CHD1L: variants seen among roughly 807,000 people sequenced by gnomAD.
CHD1L encodes ATP-dependent chromatin remodeler CHD1L.
Under a neutral mutation model 115.9 loss-of-function variants are expected in CHD1L, and 118 were observed. The ratio of observed to expected loss-of-function variants is 1.02; its 90% CI spans 0.88 to 1.19. CHD1L has a LOEUF of 1.19. Ranked by LOEUF, CHD1L falls within the 50% of genes most tolerant of loss-of-function variation. The pLI is 0.00. For missense variants in CHD1L, 1,179 were observed against 1,065.3 expected (o/e 1.11, Z -1.49); for synonymous variants, 411 against 387.1 (o/e 1.06, Z -0.72).
chr1:147,259,978 A>G, intron 6 of CHD1L, 60 bp downstream of exon 6: 4 of 1,279,698 alleles, frequency 3.1e-6, no homozygotes, highest in Non-Finnish European at 4.4e-6. Flanking sequence ...TATACATTAT[A>G]TTTTAGAGTA....
At chr1:147,277,943 G>A (rs1346359435) in intron 14 of CHD1L, among the ~76,000 whole-genome samples, 7 of 152,090 alleles carry the variant, frequency 4.6e-5, no homozygotes, top group Non-Finnish European at 1.0e-4. Context: ...ATCTTGTGAT[G>A]TGGGCTGCTG....
In CHD1L at chr1:147,242,713, G is replaced by C. The variant is rs782305182; in HGVS notation, c.10G>C (p.Ala4Pro). 1 of 1,258,292 alleles carries C rather than the reference G, an allele frequency of 7.9e-7. No homozygotes were observed. The highest frequency in any genetic ancestry group is 1.5e-5 in the African/African-American group (1 of 65,332). 77.9% of individuals were successfully genotyped at this position (1,258,292 alleles called of 1,614,324 possible). A position where few individuals can be genotyped will look rare whatever the true frequency, so the allele number is the denominator to read the frequency against. Residue 4 changes from alanine (A) to proline (P), a missense_variant, in exon 1 of 23, where the codon GCG becomes CCG. Transcript: ENST00000369258. MER[A>P]GATSRGGQAP... ...GGCCTCTACCGGCCCGATGGAGCGCGCGGGCGCTACTAGCCGCGGGGGCCA... is the reference window on the plus strand; with the variant it reads ...GGCCTCTACCGGCCCGATGGAGCGCCCGGGCGCTACTAGCCGCGGGGGCCA...
chr1:147,186,502 C>A, the CHD1L span: 2 of 987,632 alleles, frequency 2.0e-6, no homozygotes, highest in Admixed American at 6.0e-5. Flanking sequence ...AAAATCAAAC[C>A]CTATCAGAAG....
chr1:147,271,694 C>G (rs1676291797), intron 11 of CHD1L, among the ~76,000 whole-genome samples: 1 of 152,190 alleles, frequency 6.6e-6, no homozygotes, highest in Admixed American at 6.5e-5. Context: ...GATGCATAAA[C>G]AGCCTGATCC....
At chr1:147,262,011 C>T (rs951914901) in intron 6 of CHD1L, among the ~76,000 whole-genome samples, 4 of 151,796 alleles carry the variant, frequency 2.6e-5, no homozygotes, top group Admixed American at 6.6e-5. Flanking sequence ...CTGGCTAATA[C>T]GGTGAAACCC....
chr1:147,208,692 G>A, the CHD1L span: 11 of 564,876 alleles, frequency 1.9e-5, no homozygotes, highest in Admixed American at 1.8e-4. Flanking sequence ...ACCCGCCTCC[G>A]CCTCCCAGAG....
chr1:147,277,075 G>A (rs1553958410), intron 14 of CHD1L, among the ~76,000 whole-genome samples: 1 of 152,122 alleles, frequency 6.6e-6, no homozygotes, highest in African/African-American at 2.4e-5. Flanking sequence ...TTCAAAGATG[G>A]CTGTGAGGTT....
chr1:147,290,022 A>G (rs1553968972), intron 19 of CHD1L, among the ~76,000 whole-genome samples: 1 of 152,204 alleles, frequency 6.6e-6, no homozygotes, highest in African/African-American at 2.4e-5. Flanking sequence ...TGACTGAACA[A>G]AAAGTTCAAA....
chr1:147,227,378 A>G, the CHD1L span, among the ~76,000 whole-genome samples: 1 of 152,232 alleles, frequency 6.6e-6, no homozygotes, highest in Non-Finnish European at 1.5e-5. Context: ...CTACTGAATC[A>G]GTTTTACAAA....
intron 1 of CHD1L, among the ~76,000 whole-genome samples, chr1:147,247,001 A>G (rs1459775484): frequency 1.3e-5 from 2 of 152,114 alleles, no homozygotes; most frequent in African/African-American, 4.8e-5. Context: ...TTTGTTGCAC[A>G]AATTTTGATA....
the CHD1L span, chr1:147,178,826 A>T: frequency 6.2e-7 from 1 of 1,603,036 alleles, no homozygotes; most frequent in South Asian, 1.1e-5. Flanking sequence ...TTTATCCAGG[A>T]AAACATTTTT....
chr1:147,195,291 A>T, the CHD1L span, among the ~76,000 whole-genome samples: 1 of 151,696 alleles, frequency 6.6e-6, no homozygotes. Flanking sequence ...ACCAAACCCA[A>T]ATAATTTTTT....
the CHD1L span, among the ~76,000 whole-genome samples, chr1:147,195,087 A>G: frequency 6.6e-5 from 10 of 152,098 alleles, no homozygotes; most frequent in African/African-American, 2.2e-4. Context: ...CTCCTGGATA[A>G]TATCCTGCAG....
chr1:147,190,929 C>T, the CHD1L span, among the ~76,000 whole-genome samples: 10 of 151,978 alleles, frequency 6.6e-5, no homozygotes, highest in Admixed American at 1.3e-4. Flanking sequence ...TGAGAACATG[C>T]GGTGTTTGGT....
rs1553952585 is a variant in CHD1L at position 147,271,000 on chromosome 1, A to T, written c.1154A>T (p.Tyr385Phe). 6.2e-7 allele frequency: 1 copy of T among 1,613,834 alleles called. No individual in the cohort carries two copies. Among genetic ancestry groups the T allele is most frequent in the Admixed American group, 1.7e-5 (1 of 60,018 alleles). Residue 385 changes from tyrosine (Y) to phenylalanine (F), a missense_variant, in exon 11 of 23, where the codon TAC becomes TTC. Physicochemically the swap from Tyr to Phe is conservative, Grantham distance 22 (BLOSUM62 3). Transcript: ENST00000369258. ...MLDILQDYMD[Y>F]RGYSYERVDG... is the part of the protein sequence containing the mutation. ...GATATTCTCCAAGACTATATGGATTACAGAGGTGACACCTTTTGGCCACTA... is the reference window on the plus strand; with the variant it reads ...GATATTCTCCAAGACTATATGGATTTCAGAGGTGACACCTTTTGGCCACTA...
intron 1 of CHD1L, 50 bp downstream of exon 1, chr1:147,242,880 C>T (rs1665184836): frequency 1.6e-6 from 2 of 1,250,410 alleles, no homozygotes; most frequent in South Asian, 4.0e-5. Context: ...CCTATTGGGA[C>T]TGCCTCTTGC....
chr1:147,178,513 C>A, the CHD1L span: 1 of 1,611,686 alleles, frequency 6.2e-7, no homozygotes, highest in African/African-American at 1.3e-5. Context: ...GCAGGCAGGC[C>A]CAGCTTCAGT....
chr1:147,174,230 T>C, the CHD1L span, among the ~76,000 whole-genome samples: 1 of 152,192 alleles, frequency 6.6e-6, no homozygotes, highest in Non-Finnish European at 1.5e-5. Context: ...AAAATCTTTA[T>C]GTCTGAGTAC....
At chr1:147,291,619 C>G in intron 20 of CHD1L, 67 bp downstream of exon 20, 1 of 1,320,992 alleles carries the variant, frequency 7.6e-7, no homozygotes, top group Non-Finnish European at 1.1e-6. Context: ...GAAGTGTCCC[C>G]TGCCCCAATT....
Sources: gnomAD v4.1 joint callset for allele counts (sites outside exome capture counted in the v4.1 genomes callset) on GRCh38, gnomAD v4.1.1 for gene constraint, MANE v1.5 for transcripts, NCBI Gene and HGNC (gene_info 2026-07-23, HGNC 2026-07-21) for gene names.